Variants in ANKS1B observed in about 807,000 individuals in gnomAD.
The protein encoded by ANKS1B is ankyrin repeat and sterile alpha motif domain containing 1B, also known as ankyrin repeat and sterile alpha motif domain-containing protein 1B.
A neutral mutation model predicts 148.3 loss-of-function variants in ANKS1B; 36 were observed. The ratio of observed to expected loss-of-function variants is 0.24; its 90% CI spans 0.19 to 0.32. The LOEUF (loss-of-function observed/expected upper bound fraction) is 0.32, where lower values mean the gene tolerates loss of function less well. ANKS1B is among the 10% of genes least tolerant of loss of function. The pLI is 1.00. For missense variants in ANKS1B, 1,157 were observed against 1,542.6 expected, an observed-to-expected ratio of 0.75 and a Z score of 4.19; for synonymous variants, 542 against 560.8, an observed-to-expected ratio of 0.97 and a Z score of 0.47.
intron 12 of ANKS1B, among the ~76,000 whole-genome samples, chr12:99,357,162 T>G (rs1395289143): frequency 6.6e-6 from 1 of 152,136 alleles, no homozygotes; most frequent in Non-Finnish European, 1.5e-5. Flanking sequence ...GGGTTCATTT[T>G]ACATATGCTG....
intron 9 of ANKS1B, among the ~76,000 whole-genome samples, chr12:99,647,348 C>T (rs923324921): frequency 2.6e-5 from 4 of 152,186 alleles, no homozygotes; most frequent in South Asian, 2.1e-4. Flanking sequence ...GACACTAATG[C>T]TGTTTATAAT....
At chr12:99,416,786 T>C (rs2152696362) in intron 11 of ANKS1B, among the ~76,000 whole-genome samples, 1 of 152,390 alleles carries the variant, frequency 6.6e-6, no homozygotes, top group Non-Finnish European at 1.5e-5. Flanking sequence ...TTCTCCAGTA[T>C]GTACCTTGTC....
chr12:98,758,146 G>A (rs887063817), intron 25 of ANKS1B, among the ~76,000 whole-genome samples: 1 of 152,070 alleles, frequency 6.6e-6, no homozygotes, highest in African/African-American at 2.4e-5. Context: ...ATGTGGCCAT[G>A]CACCATGCTA....
At chr12:99,219,966 A>T (rs1307451923) in intron 14 of ANKS1B, among the ~76,000 whole-genome samples, 1 of 152,244 alleles carries the variant, frequency 6.6e-6, no homozygotes, top group Admixed American at 6.5e-5. Context: ...CATACTGGTT[A>T]GGAGAATATG....
At chr12:99,582,254 C>T (rs937130149) in intron 9 of ANKS1B, among the ~76,000 whole-genome samples, 7 of 151,580 alleles carry the variant, frequency 4.6e-5, no homozygotes, top group Non-Finnish European at 1.0e-4. Context: ...GATGGGAATG[C>T]AAAATGGCTT....
chr12:99,835,441 GA>G (rs10718285), intron 1 of ANKS1B, among the ~76,000 whole-genome samples: 46,849 of 151,176 alleles, frequency 0.31, 7,668 homozygotes, highest in Non-Finnish European at 0.35. Context: ...AAAATAAAAA[GA>G]AAAAAATATA....
chr12:99,916,258 T>C (rs1014711205), intron 1 of ANKS1B, among the ~76,000 whole-genome samples: 1 of 152,186 alleles, frequency 6.6e-6, no homozygotes, highest in African/African-American at 2.4e-5. Flanking sequence ...TGCTGCCATA[T>C]AACAGAGTAT....
chr12:99,185,198 T>A (rs1221377717), intron 14 of ANKS1B, among the ~76,000 whole-genome samples: 1 of 152,108 alleles, frequency 6.6e-6, no homozygotes, highest in Non-Finnish European at 1.5e-5. Context: ...TTCAGAAGGA[T>A]CCTAGATTAC....
chr12:99,047,000 G>GA (rs137884809), intron 17 of ANKS1B, among the ~76,000 whole-genome samples: 16 of 151,826 alleles, frequency 1.1e-4, no homozygotes, highest in African/African-American at 2.4e-4. Flanking sequence ...AAAAAAGACT[G>GA]AAAAAAAATG....
chr12:99,835,982 T>C (rs376855344), intron 1 of ANKS1B, among the ~76,000 whole-genome samples: 6 of 152,314 alleles, frequency 3.9e-5, no homozygotes, highest in African/African-American at 1.4e-4. Context: ...TATTGTCACA[T>C]TGGAACCCAC....
chr12:99,650,477 T>C (rs183406412), intron 9 of ANKS1B, among the ~76,000 whole-genome samples: 3 of 152,350 alleles, frequency 2.0e-5, no homozygotes, highest in Non-Finnish European at 2.9e-5. Flanking sequence ...TTAATCATAC[T>C]TTCCAGAAAG....
At chr12:99,829,543 C>T (rs533160523) in intron 1 of ANKS1B, among the ~76,000 whole-genome samples, 143 of 152,092 alleles carry the variant, frequency 9.4e-4, no homozygotes, top group Non-Finnish European at 1.6e-3. Context: ...CCCAGCTACT[C>T]GGGAGGCTGA....
intron 6 of ANKS1B, among the ~76,000 whole-genome samples, chr12:99,777,210 A>C (rs565539475): frequency 6.6e-6 from 1 of 152,322 alleles, no homozygotes; most frequent in Admixed American, 6.5e-5. Flanking sequence ...AAATCTAATA[A>C]AGAAAATTTG....
intron 4 of ANKS1B, among the ~76,000 whole-genome samples, chr12:99,798,398 T>C (rs575076151): frequency 6.8e-6 from 1 of 146,952 alleles, no homozygotes; most frequent in Admixed American, 6.9e-5. Flanking sequence ...GTTTGGTACT[T>C]AGCCACGTGG....
intron 9 of ANKS1B, among the ~76,000 whole-genome samples, chr12:99,613,485 A>G (rs373528827): frequency 6.6e-6 from 1 of 152,248 alleles, no homozygotes; most frequent in East Asian, 1.9e-4. Context: ...GATAAAGAAA[A>G]TGTGGTACAT....
intron 15 of ANKS1B, among the ~76,000 whole-genome samples, chr12:99,146,400 G>A (rs978846278): frequency 1.3e-5 from 2 of 152,126 alleles, no homozygotes; most frequent in African/African-American, 4.8e-5. Flanking sequence ...TACTTCCTGG[G>A]GGAAGTGATG....
intron 9 of ANKS1B, among the ~76,000 whole-genome samples, chr12:99,580,994 G>T (rs1352571599): frequency 6.6e-6 from 1 of 152,032 alleles, no homozygotes; most frequent in Non-Finnish European, 1.5e-5. Context: ...TATATATTCA[G>T]TGCAATCACA....
chr12:99,300,201 C>G (rs2081414763), intron 12 of ANKS1B, among the ~76,000 whole-genome samples: 1 of 151,854 alleles, frequency 6.6e-6, no homozygotes, highest in Non-Finnish European at 1.5e-5. Flanking sequence ...TATTAAAATC[C>G]CCAACGAATT....
intron 24 of ANKS1B, 67 bp downstream of exon 24, chr12:98,781,050 A>G: frequency 9.8e-7 from 1 of 1,019,036 alleles, no homozygotes; most frequent in Non-Finnish European, 1.4e-6. Context: ...ATAGGAAGCA[A>G]AGGATTTTAG....
Sources: gnomAD v4.1 joint callset for allele counts (sites outside exome capture counted in the v4.1 genomes callset) on GRCh38, gnomAD v4.1.1 for gene constraint, MANE v1.5 for transcripts, NCBI Gene and HGNC (gene_info 2026-07-23, HGNC 2026-07-21) for gene names.